CALD1: variants seen among roughly 807,000 people sequenced by gnomAD.
The protein encoded by CALD1 is caldesmon.
Under a neutral mutation model 99.9 loss-of-function variants are expected in CALD1, and 33 were observed. The observed-to-expected ratio is 0.33, with a 90% CI of 0.25 to 0.44. The LOEUF (loss-of-function observed/expected upper bound fraction) is 0.44, where lower values mean the gene tolerates loss of function less well. Among genes scored for constraint, CALD1 ranks in the 20% least tolerant of loss-of-function variants. The probability of loss-of-function intolerance (pLI) is 1.00; values close to 1 mark genes in which losing one functional copy is unlikely to be tolerated. For synonymous variants in CALD1, 310 were observed against 325.0 expected, an observed-to-expected ratio of 0.95 and a Z score of 0.50; for missense variants, 861 against 962.1, an observed-to-expected ratio of 0.89 and a Z score of 1.39.
intron 1 of CALD1, among the ~76,000 whole-genome samples, chr7:134,782,299 A>G (rs959244457): frequency 2.2e-4 from 34 of 152,150 alleles, no homozygotes; most frequent in Admixed American, 6.5e-5. Context: ...GCATGGTAGG[A>G]CTAAGGAGGA....
At chr7:134,764,350 G>A (rs920494906) in intron 1 of CALD1, among the ~76,000 whole-genome samples, 10 of 152,112 alleles carry the variant, frequency 6.6e-5, no homozygotes, top group Admixed American at 2.0e-4. Flanking sequence ...TTAAATTCTG[G>A]CTCAGAAAGG....
intron 9 of CALD1, among the ~76,000 whole-genome samples, chr7:134,957,301 A>G (rs923755209): frequency 4.6e-5 from 7 of 152,202 alleles, no homozygotes; most frequent in Non-Finnish European, 1.0e-4. Context: ...TACCAAATAC[A>G]TAGTTAAAAC....
chr7:134,867,628 TAGTAACTCAGGA>T, intron 2 of CALD1, 53 bp from the exon 3 acceptor site: 1 of 572,548 alleles, frequency 1.7e-6, no homozygotes, highest in Non-Finnish European at 3.1e-6. Flanking sequence ...AGAGGGCCCA[TAGTAACTCAGGA>T]GAAGTAACAC....
At chr7:134,785,821 G>A (rs1168809830) in intron 1 of CALD1, among the ~76,000 whole-genome samples, 1 of 152,188 alleles carries the variant, frequency 6.6e-6, no homozygotes, top group East Asian at 1.9e-4. Flanking sequence ...CTAATATTTG[G>A]GGTACTTTTA....
chr7:134,961,589 T>C (rs1396414905), intron 13 of CALD1: 1 of 152,210 alleles, frequency 6.6e-6, no homozygotes, highest in Non-Finnish European at 1.5e-5. Flanking sequence ...ATGGAAATGT[T>C]CACAAATCCT....
At chr7:134,923,468 G>A (rs1237967988) in intron 3 of CALD1, among the ~76,000 whole-genome samples, 1 of 152,120 alleles carries the variant, frequency 6.6e-6, no homozygotes, top group East Asian at 1.9e-4. Flanking sequence ...GAATCATCTG[G>A]GAACATCACT....
chr7:134,758,929 T>A (rs1191722247), intron 1 of CALD1, among the ~76,000 whole-genome samples: 1 of 152,160 alleles, frequency 6.6e-6, no homozygotes, highest in East Asian at 1.9e-4. Flanking sequence ...CTGATGGAAA[T>A]CCTGGCACAT....
At chr7:134,846,290 G>T (rs1381971747) in intron 2 of CALD1, among the ~76,000 whole-genome samples, 1 of 148,764 alleles carries the variant, frequency 6.7e-6, no homozygotes, top group African/African-American at 2.5e-5. Context: ...CTTTTGCCCT[G>T]AACTCCCTCC....
Position 134,960,067 on chromosome 7 carries a change from G to A in CALD1, c.2155G>A (p.Gly719Arg), listed in dbSNP as rs1437507396. Residue 719 changes from glycine (G) to arginine (R), a missense_variant, in exon 12 of 15, where the codon GGG (glycine) becomes AGG (arginine). Gly to Arg is a moderately radical substitution (Grantham distance 125). Around this residue, in one of 5 missense-constraint regions of CALD1, gnomAD observed 190 missense variants for 249.0 expected, o/e 0.76. Transcript: ENST00000361675. ...VRNIKSMWEK[G>R]NVFSSPTAAG... ...CAACATCAAGAGTATGTGGGAGAAA[G>A]GGAATGTGTTTTCATCCCCCACTGC... The A allele has an allele frequency of 3.1e-6, 5 of 1,613,986 alleles. No individual in the cohort carries two copies. The highest frequency in any genetic ancestry group is 1.3e-5 in the African/African-American group (1 of 74,924).
At chr7:134,747,850 C>G (rs1796649235) in intron 1 of CALD1, among the ~76,000 whole-genome samples, 1 of 152,228 alleles carries the variant, frequency 6.6e-6, no homozygotes. Context: ...AAGGCAATAC[C>G]CAGTGGAACC....
chr7:134,923,455 T>C (rs1804763678), intron 3 of CALD1, among the ~76,000 whole-genome samples: 1 of 152,230 alleles, frequency 6.6e-6, no homozygotes, highest in South Asian at 2.1e-4. Flanking sequence ...CCACACTCCT[T>C]CTGAATCATC....
At chr7:134,887,519 A>G (rs1317647562) in intron 3 of CALD1, among the ~76,000 whole-genome samples, 1 of 152,150 alleles carries the variant, frequency 6.6e-6, no homozygotes, top group Non-Finnish European at 1.5e-5. Context: ...TTGCCTCCCT[A>G]GTGGTAGATT....
intron 2 of CALD1, among the ~76,000 whole-genome samples, chr7:134,844,885 C>A (rs1297551014): frequency 6.6e-6 from 1 of 152,164 alleles, no homozygotes; most frequent in Non-Finnish European, 1.5e-5. Context: ...GGATTAGGCC[C>A]ACCCTAAAGA....
chr7:134,822,159 A>ACTTGGCACTATATT (rs1798810106), intron 1 of CALD1: 4 of 152,208 alleles, frequency 2.6e-5, no homozygotes, highest in Admixed American at 2.6e-4. Context: ...ACCCTTGGAC[A>ACTTGGCACTATATT]GGTCTATATT....
chr7:134,812,438 C>T (rs1417518652), intron 1 of CALD1, among the ~76,000 whole-genome samples: 1 of 152,082 alleles, frequency 6.6e-6, no homozygotes, highest in Non-Finnish European at 1.5e-5. Context: ...TTTCCAAGGA[C>T]CACTTAGTGG....
intron 1 of CALD1, among the ~76,000 whole-genome samples, chr7:134,830,476 CG>C (rs1799176325): frequency 6.6e-6 from 1 of 151,824 alleles, no homozygotes; most frequent in Non-Finnish European, 1.5e-5. Flanking sequence ...ATGTGTGTCA[CG>C]GGGGTTTGTT....
intron 3 of CALD1, among the ~76,000 whole-genome samples, chr7:134,897,389 A>T (rs938223643): frequency 1.4e-5 from 2 of 146,642 alleles, no homozygotes; most frequent in South Asian, 2.1e-4. Flanking sequence ...TATATATATA[A>T]ATATATATAT....
Position 134,968,325 on chromosome 7 carries a change from C to G in CALD1, c.2377-15C>G. 1 of 1,613,608 alleles carries G rather than the reference C, an allele frequency of 6.2e-7. No homozygotes were observed. The highest frequency in any genetic ancestry group is 1.3e-5 in the African/African-American group (1 of 75,012). Reference sequence around the variant, plus strand: ...CACTACAGGCTGTCAATTTCAAGTTCTCTTCTCTTGGCAGGTTTGAGACAG... The same window carrying G: ...CACTACAGGCTGTCAATTTCAAGTTGTCTTCTCTTGGCAGGTTTGAGACAG... On this transcript the variant is annotated splice_polypyrimidine_tract_variant and intron_variant, in intron 14 of 14. Transcript: ENST00000361675.
intron 3 of CALD1, among the ~76,000 whole-genome samples, chr7:134,873,419 G>A (rs1226245850): frequency 1.3e-5 from 2 of 152,134 alleles, no homozygotes; most frequent in Non-Finnish European, 2.9e-5. Context: ...TGAATTATGT[G>A]TGGATGTGCT....
Sources: gnomAD v4.1 joint callset for allele counts (sites outside exome capture counted in the v4.1 genomes callset) on GRCh38, gnomAD v4.1.1 for gene constraint, gnomAD v4.1.1 regional missense constraint, MANE v1.5 for transcripts, NCBI Gene and HGNC (gene_info 2026-07-23, HGNC 2026-07-21) for gene names.